DEFB108B: variants seen among roughly 807,000 people sequenced by gnomAD.
DEFB108B encodes the protein beta-defensin 108B.
A neutral mutation model predicts 2.4 loss-of-function variants in DEFB108B; 3 were observed. The observed-to-expected ratio is 1.25, with a 90% CI of 0.57 to 3.24. The LOEUF is 3.24. Ranked by LOEUF, DEFB108B falls within the 30% of genes most tolerant of loss-of-function variation. DEFB108B has a pLI of 0.03. For synonymous variants in DEFB108B, 25 were observed against 28.7 expected, an observed-to-expected ratio of 0.87 and a Z score of 0.41; for missense variants, 101 against 87.8, an observed-to-expected ratio of 1.15 and a Z score of -0.60.
chr11:71,836,787 C>T (rs1292888971), intron 1 of DEFB108B, among the ~76,000 whole-genome samples: 1 of 152,150 alleles, frequency 6.6e-6, no homozygotes, highest in Non-Finnish European at 1.5e-5. Context: ...CAAGTACTGG[C>T]ACAGATATAT....
At chr11:71,836,602 T>C (rs1305786271) in intron 1 of DEFB108B, among the ~76,000 whole-genome samples, 2 of 152,234 alleles carry the variant, frequency 1.3e-5, no homozygotes, top group Non-Finnish European at 2.9e-5. Flanking sequence ...AGAGCAGTGA[T>C]ATCTTAGGAC....
At chr11:71,835,226 G>A (rs1180305872) in intron 1 of DEFB108B, among the ~76,000 whole-genome samples, 3 of 152,146 alleles carry the variant, frequency 2.0e-5, no homozygotes, top group African/African-American at 7.2e-5. Flanking sequence ...TAGCTTTTCA[G>A]ACTTTACTCC....
At position 71,834,201 on chromosome 11, in the gene DEFB108B, C is replaced by A. The variant is rs140302899; in HGVS notation, c.58+944C>A. Among the ~76,000 whole-genome samples the A allele has an allele frequency of 4.4e-3, 674 of 152,198 alleles. 7 individuals are homozygous for A. The highest frequency in any genetic ancestry group is 0.015 in the African/African-American group (642 of 41,520). On this transcript the variant is annotated intron_variant, in intron 1 of 1. Transcript: ENST00000328698. The stretch of plus-strand genomic sequence containing the variant: ...CACCCTGGAGTTCTGTTGTGCCGTT[C>A]CTTTGTGTGACTTCCTAAAGCCTGA...
At chr11:71,834,771 T>C (rs914980296) in intron 1 of DEFB108B, 1 of 152,240 alleles carries the variant, frequency 6.6e-6, no homozygotes, top group African/African-American at 2.4e-5. Flanking sequence ...CAAGCCTTAG[T>C]GCCATCCCTA....
Position 71,837,412 on chromosome 11 carries a change from C to A in DEFB108B, c.72C>A (p.Phe24Leu), listed in dbSNP as rs967106082. ...TTCTTCATGTAGCCAGGGGCAAATT[C>A]AAGGAGATCTGTGAACGTCCAAATG... ...MSQVLPARGK[F>L]KEICERPNGS... The change falls in exon 2 of 2, where the codon TTC becomes TTA. Residue 24 changes from phenylalanine to leucine, a missense_variant. Coordinates refer to ENST00000328698, the MANE Select transcript of DEFB108B (RefSeq NM_001002035.2). 6.2e-7 allele frequency: 1 copy of A among 1,611,810 alleles called. No homozygotes were observed. Among genetic ancestry groups the A allele is most frequent in the Non-Finnish European group, 8.5e-7 (1 of 1,179,730 alleles).
intron 1 of DEFB108B, among the ~76,000 whole-genome samples, chr11:71,836,498 TG>T (rs1952219628): frequency 6.6e-6 from 1 of 152,200 alleles, no homozygotes; most frequent in Non-Finnish European, 1.5e-5. Flanking sequence ...GCCAAGAAGT[TG>T]TCATGGAAAA....
In DEFB108B at chr11:71,837,417, A is replaced by G. The variant is rs1952229719; in HGVS notation, c.77A>G (p.Glu26Gly). Reference protein sequence around the residue: ...QVLPARGKFKEICERPNGSCR... With the variant: ...QVLPARGKFKGICERPNGSCR... Reference sequence around the variant, plus strand: ...CATGTAGCCAGGGGCAAATTCAAGGAGATCTGTGAACGTCCAAATGGCTCC... The same window carrying G: ...CATGTAGCCAGGGGCAAATTCAAGGGGATCTGTGAACGTCCAAATGGCTCC... Residue 26 changes from glutamate to glycine, a missense_variant, in exon 2 of 2, where the codon GAG becomes GGG. Glu to Gly is a moderately conservative substitution (Grantham distance 98). Coordinates refer to ENST00000328698, the MANE Select transcript of DEFB108B (RefSeq NM_001002035.2). 5 of 1,611,732 alleles carry G rather than the reference A, an allele frequency of 3.1e-6. No individual in the cohort carries two copies. In the East Asian group the frequency reaches 1.1e-4, roughly 36 times the overall value.
intron 1 of DEFB108B, among the ~76,000 whole-genome samples, chr11:71,836,047 C>T (rs1025986389): frequency 4.6e-5 from 7 of 152,268 alleles, no homozygotes; most frequent in Non-Finnish European, 8.8e-5. Flanking sequence ...TCTCTTATGA[C>T]TCTTCCAGCT....
Position 71,837,543 on chromosome 11 carries a change from C to G in DEFB108B, c.203C>G (p.Thr68Ser), listed in dbSNP as rs372248720. 6.8e-6 allele frequency: 11 copies of G among 1,611,128 alleles called. No individual in the cohort carries two copies. In the African/African-American group the frequency reaches 1.2e-4, roughly 18 times the overall value. Residue 68 changes from threonine to serine, a missense_variant, in exon 2 of 2, where the codon ACT becomes AGT. Physicochemically the swap from Thr to Ser is moderately conservative, Grantham distance 58. Coordinates refer to ENST00000328698, the MANE Select transcript of DEFB108B (RefSeq NM_001002035.2). Reference sequence around the variant, plus strand: ...GGGCATCAACCAAGAATTGAGAGCACTACACCCAAAAAGGACTGAAGCCTG... The same window carrying G: ...GGGCATCAACCAAGAATTGAGAGCAGTACACCCAAAAAGGACTGAAGCCTG... ...PLGHQPRIES[T>S]TPKKD
rs531858025 is a variant in DEFB108B, at chr11:71,837,541, C to G, written c.201C>G (p.Ser67Arg). The G allele has an allele frequency of 3.7e-6, 6 of 1,611,192 alleles. No individual in the cohort carries two copies. The highest frequency in any genetic ancestry group is 5.1e-6 in the Non-Finnish European group (6 of 1,179,544). Residue 67 changes from serine to arginine, a missense_variant, in exon 2 of 2, where the codon AGC becomes AGG. Coordinates refer to ENST00000328698, the MANE Select transcript of DEFB108B (RefSeq NM_001002035.2). ...TGGGGCATCAACCAAGAATTGAGAG[C>G]ACTACACCCAAAAAGGACTGAAGCC... ...LPLGHQPRIE[S>R]TTPKKD
At chr11:71,835,677 T>C (rs1033368118) in intron 1 of DEFB108B, among the ~76,000 whole-genome samples, 1 of 152,226 alleles carries the variant, frequency 6.6e-6, no homozygotes, top group Non-Finnish European at 1.5e-5. Context: ...TAATGCTCAA[T>C]AGAATCAGGT....
chr11:71,834,195 G>T (rs2121249803), intron 1 of DEFB108B, among the ~76,000 whole-genome samples: 1 of 152,164 alleles, frequency 6.6e-6, no homozygotes, highest in Admixed American at 6.5e-5. Flanking sequence ...GTTCTGTTGT[G>T]CCGTTCCTTT....
chr11:71,834,879 G>T (rs1450234245), intron 1 of DEFB108B: 1 of 152,168 alleles, frequency 6.6e-6, no homozygotes. Context: ...AGACAAGACA[G>T]CCTATGATGT....
intron 1 of DEFB108B, 118 bp from the exon 2 acceptor site, chr11:71,837,281 C>T (rs1216423565): frequency 7.8e-7 from 1 of 1,282,334 alleles, no homozygotes. Flanking sequence ...CACACACACA[C>T]ACACACACAC....
At chr11:71,833,609 C>G (rs976057618) in intron 1 of DEFB108B, among the ~76,000 whole-genome samples, 3 of 152,356 alleles carry the variant, frequency 2.0e-5, no homozygotes, top group Middle Eastern at 3.4e-3. Context: ...TTCCTAAGAA[C>G]TGGCATAAGA....
intron 1 of DEFB108B, 78 bp downstream of exon 1, chr11:71,833,335 C>T (rs536630435): frequency 3.8e-6 from 6 of 1,577,542 alleles, no homozygotes; most frequent in Non-Finnish European, 3.4e-6. Context: ...ATCACCATCA[C>T]CTATAACCAG....
chr11:71,835,431 G>A lies in DEFB108B; in HGVS notation c.59-1968G>A, dbSNP rs114415931. Among the ~76,000 whole-genome samples, 985 of 152,278 alleles carry A rather than the reference G, an allele frequency of 6.5e-3. 14 individuals are homozygous for A. The highest frequency in any genetic ancestry group is 0.021 in the African/African-American group (893 of 41,544). ...AAAGACACAGTTTTGTTCTTTTTAT[G>A]GCTGCATAGTATTCCATGACATATA... On this transcript the variant is annotated intron_variant, in intron 1 of 1. Coordinates refer to ENST00000328698, the MANE Select transcript of DEFB108B (RefSeq NM_001002035.2).
At chr11:71,833,772 A>T (rs567358771) in intron 1 of DEFB108B, among the ~76,000 whole-genome samples, 36 of 152,306 alleles carry the variant, frequency 2.4e-4, no homozygotes, top group African/African-American at 8.7e-4. Flanking sequence ...CTCCATCTCC[A>T]TCCCTGGCTT....
intron 1 of DEFB108B, among the ~76,000 whole-genome samples, chr11:71,834,073 G>C (rs1383139165): frequency 2.0e-5 from 3 of 152,076 alleles, no homozygotes; most frequent in East Asian, 3.9e-4. Context: ...GTTTTATAGA[G>C]AAAAAAATTA....
Sources: gnomAD v4.1 joint callset for allele counts (sites outside exome capture counted in the v4.1 genomes callset) on GRCh38, gnomAD v4.1.1 for gene constraint, MANE v1.5 for transcripts, NCBI Gene and HGNC (gene_info 2026-07-23, HGNC 2026-07-21) for gene names.